GMDS: variants seen among roughly 807,000 people sequenced by gnomAD.
GMDS encodes the protein GDP-mannose 4,6 dehydratase.
A neutral mutation model predicts 49.9 loss-of-function variants in GMDS; 20 were observed. The observed-to-expected ratio is 0.40, with a 90% CI of 0.28 to 0.58. The LOEUF is 0.58. GMDS is among the 20% of genes least tolerant of loss of function. The pLI, the probability that GMDS is intolerant of heterozygous loss-of-function variation, is 0.42. For synonymous variants in GMDS, 177 were observed against 178.6 expected, an observed-to-expected ratio of 0.99 and a Z score of 0.07; for missense variants, 362 against 481.4, an observed-to-expected ratio of 0.75 and a Z score of 2.32.
At chr6:1,806,643 T>C (rs998881998) in intron 7 of GMDS, among the ~76,000 whole-genome samples, 1 of 152,204 alleles carries the variant, frequency 6.6e-6, no homozygotes, top group Non-Finnish European at 1.5e-5. Flanking sequence ...ATATAATAGA[T>C]TTGAATTTGT....
intron 7 of GMDS, among the ~76,000 whole-genome samples, chr6:1,758,135 G>A (rs1323525854): frequency 6.6e-6 from 1 of 152,154 alleles, no homozygotes; most frequent in Non-Finnish European, 1.5e-5. Flanking sequence ...CTTGCTATGT[G>A]ACACCCTACT....
intron 4 of GMDS, among the ~76,000 whole-genome samples, chr6:2,112,015 G>A (rs943796294): frequency 1.5e-4 from 23 of 152,236 alleles, no homozygotes; most frequent in African/African-American, 4.8e-4. Context: ...ATCACATGGC[G>A]CCATCATCCC....
chr6:1,633,410 C>T (rs945692133), intron 9 of GMDS, among the ~76,000 whole-genome samples: 1 of 152,156 alleles, frequency 6.6e-6, no homozygotes, highest in Non-Finnish European at 1.5e-5. Flanking sequence ...GAGAAGCAAA[C>T]GTGGACAAGA....
intron 4 of GMDS, among the ~76,000 whole-genome samples, chr6:2,086,108 T>C (rs1772998134): frequency 6.6e-6 from 1 of 152,196 alleles, no homozygotes; most frequent in Non-Finnish European, 1.5e-5. Context: ...TTGCTCCACA[T>C]GAAAACACAC....
At chr6:2,238,802 TCA>T (rs1017673761) in intron 1 of GMDS, among the ~76,000 whole-genome samples, 5 of 152,026 alleles carry the variant, frequency 3.3e-5, no homozygotes, top group Admixed American at 6.6e-5. Context: ...TACCAAAATA[TCA>T]CACATACCCC....
chr6:1,643,832 A>T (rs1020348554), intron 9 of GMDS, among the ~76,000 whole-genome samples: 1 of 152,164 alleles, frequency 6.6e-6, no homozygotes, highest in Admixed American at 6.5e-5. Flanking sequence ...TTTAAAAATT[A>T]AAAAAAGTTG....
chr6:1,801,671 A>G (rs1769955442), intron 7 of GMDS, among the ~76,000 whole-genome samples: 1 of 152,240 alleles, frequency 6.6e-6, no homozygotes, highest in South Asian at 2.1e-4. Context: ...ACCTGAGCAA[A>G]TGAGGCCTGG....
At chr6:2,140,838 G>A (rs765092034) in intron 1 of GMDS, among the ~76,000 whole-genome samples, 6 of 152,150 alleles carry the variant, frequency 3.9e-5, no homozygotes, top group Non-Finnish European at 5.9e-5. Flanking sequence ...CTGGATTCAG[G>A]GTAGCTTCAA....
intron 4 of GMDS, among the ~76,000 whole-genome samples, chr6:2,086,119 T>C (rs1321627411): frequency 1.3e-5 from 2 of 152,208 alleles, no homozygotes; most frequent in Non-Finnish European, 2.9e-5. Flanking sequence ...GAAAACACAC[T>C]GTCTCAAAAA....
At chr6:1,770,429 T>C (rs1768533414) in intron 7 of GMDS, among the ~76,000 whole-genome samples, 1 of 152,214 alleles carries the variant, frequency 6.6e-6, no homozygotes, top group South Asian at 2.1e-4. Flanking sequence ...AATCTTGTTG[T>C]GGCAGCGGAG....
intron 7 of GMDS, among the ~76,000 whole-genome samples, chr6:1,878,301 C>T (rs894134867): frequency 9.0e-6 from 1 of 110,924 alleles, no homozygotes; most frequent in Non-Finnish European, 1.7e-5. Flanking sequence ...GGTGACAGAG[C>T]GAGAATCCAT....
At chr6:1,955,478 T>C (rs1763581259) in intron 6 of GMDS, among the ~76,000 whole-genome samples, 1 of 152,154 alleles carries the variant, frequency 6.6e-6, no homozygotes, top group African/African-American at 2.4e-5. Flanking sequence ...AATTCTAAAA[T>C]TCTGTTATTC....
chr6:1,685,140 T>C (rs964664620), intron 9 of GMDS, among the ~76,000 whole-genome samples: 1 of 152,112 alleles, frequency 6.6e-6, no homozygotes, highest in Non-Finnish European at 1.5e-5. Context: ...CTCATGCCTG[T>C]AATCCTAGCA....
intron 4 of GMDS, among the ~76,000 whole-genome samples, chr6:2,000,282 G>A (rs962789503): frequency 2.0e-5 from 3 of 150,500 alleles, no homozygotes; most frequent in Admixed American, 6.7e-5. Context: ...TGATCCACCC[G>A]CCTTGGCCTC....
At chr6:1,772,487 A>C (rs1399102147) in intron 7 of GMDS, among the ~76,000 whole-genome samples, 1 of 152,236 alleles carries the variant, frequency 6.6e-6, no homozygotes, top group Admixed American at 6.5e-5. Flanking sequence ...ACTGCATCCA[A>C]CAATGGTTAG....
At chr6:1,877,467 CTA>C (rs1759129704) in intron 7 of GMDS, among the ~76,000 whole-genome samples, 2 of 151,688 alleles carry the variant, frequency 1.3e-5, no homozygotes, top group South Asian at 4.2e-4. Flanking sequence ...TAGCAAGATC[CTA>C]TGTCTACAAA....
chr6:1,683,250 A>C (rs1170295312), intron 9 of GMDS, among the ~76,000 whole-genome samples: 2 of 152,222 alleles, frequency 1.3e-5, no homozygotes, highest in African/African-American at 4.8e-5. Flanking sequence ...CAGCCTCCCG[A>C]GTAGCTGGGA....
At chr6:2,045,273 C>T (rs1400890590) in intron 4 of GMDS, among the ~76,000 whole-genome samples, 1 of 151,884 alleles carries the variant, frequency 6.6e-6, no homozygotes, top group African/African-American at 2.4e-5. Flanking sequence ...TCTTTCTTCT[C>T]TCCTTTATTC....
intron 4 of GMDS, among the ~76,000 whole-genome samples, chr6:2,074,303 A>G (rs908704147): frequency 1.3e-5 from 2 of 152,222 alleles, no homozygotes; most frequent in African/African-American, 4.8e-5. Context: ...CCTGTTGGCC[A>G]CTTGCATGGC....
Sources: gnomAD v4.1 joint callset for allele counts (sites outside exome capture counted in the v4.1 genomes callset) on GRCh38, gnomAD v4.1.1 for gene constraint, MANE v1.5 for transcripts, NCBI Gene and HGNC (gene_info 2026-07-23, HGNC 2026-07-21) for gene names.